The following GPS1 variants were observed in gnomAD, a reference collection of about 807,000 sequenced individuals.
GPS1 encodes COP9 signalosome complex subunit 1.
GPS1 carries 11 observed loss-of-function variants against 60.0 expected under a neutral mutation model. That is an observed-to-expected ratio of 0.18 (90% CI 0.12 to 0.30). GPS1 has a LOEUF of 0.30. Ranked by LOEUF, GPS1 falls within the 10% of genes least tolerant of loss-of-function variation. The pLI, the probability that GPS1 is intolerant of heterozygous loss-of-function variation, is 1.00. For synonymous variants in GPS1, 343 were observed against 269.8 expected (o/e 1.27, Z -2.66); for missense variants, 543 against 669.2 (o/e 0.81, Z 2.08).
chr17:82,057,233 C>T lies in GPS1; in HGVS notation c.*106C>T, dbSNP rs2033035027. 2.2e-6 allele frequency: 3 copies of T among 1,377,708 alleles called. No homozygotes were observed. The East Asian group carries it at 7.2e-5, about 33-fold the overall frequency. 85.3% of individuals were successfully genotyped at this position (1,377,708 alleles called of 1,614,324 possible). ...CCTGCGGCCCAGCTAAGGGGCCTGG[C>T]CACTGGGTGCCACCCAGCCTGTGTG... On this transcript the variant is annotated 3_prime_UTR_variant, in exon 13 of 13. Transcript: ENST00000578552.
rs753238614 is a variant in GPS1, at chr17:82,056,904, A to G, written c.1319A>G (p.Lys440Arg). Residue 440 changes from lysine (K) to arginine (R), a missense_variant, in exon 12 of 13, where the codon AAG becomes AGG. Transcript: ENST00000578552. Reference sequence around the variant, plus strand: ...TTTGAGAAGTCTCTGTTGATGGGCAAGGAGTTCCAGCGCCGCGCCAAGGCC... The same window carrying G: ...TTTGAGAAGTCTCTGTTGATGGGCAGGGAGTTCCAGCGCCGCGCCAAGGCC... Reference protein sequence around the residue: ...TTFEKSLLMGKEFQRRAKAMM... With the variant: ...TTFEKSLLMGREFQRRAKAMM... The G allele has an allele frequency of 4.3e-6, 7 of 1,612,926 alleles. No homozygotes were observed. The South Asian group carries it at 7.7e-5, about 18-fold the overall frequency.
chr17:82,053,504 A>C, intron 2 of GPS1, 138 bp downstream of exon 2: 1 of 622,416 alleles, frequency 1.6e-6, no homozygotes, highest in Non-Finnish European at 2.5e-6. Flanking sequence ...CCCCGAAACC[A>C]TCAGCGTTTC....
intron 9 of GPS1, 31 bp from the exon 10 acceptor site, chr17:82,056,439 C>G: frequency 1.9e-6 from 3 of 1,613,030 alleles, no homozygotes; most frequent in Non-Finnish European, 2.5e-6. Flanking sequence ...GCCTGGCCTC[C>G]TGTCCTGGTC....
rs537465571 is a variant in GPS1 at position 82,057,365 on chromosome 17, G to C, written c.*238G>C. ...GGTTTCTGTCCCCAGGGAGCAGACT[G>C]TGCGGCACCCAGGCCCAGTGGCACC... On this transcript the variant is annotated 3_prime_UTR_variant, in exon 13 of 13. Coordinates refer to ENST00000578552, the MANE Select transcript of GPS1 (RefSeq NM_001321092.3). 5.8e-6 allele frequency: 4 copies of C among 694,292 alleles called. No homozygotes were observed. Among genetic ancestry groups the C allele is most frequent in the African/African-American group, 5.3e-5 (3 of 57,084 alleles). 43.0% of individuals were successfully genotyped at this position (694,292 alleles called of 1,614,324 possible). A position where few individuals can be genotyped will look rare whatever the true frequency, so the allele number is the denominator to read the frequency against.
Position 82,052,086 on chromosome 17 carries a change from G to C in GPS1, c.33+122G>C, listed in dbSNP as rs2030806744. On this transcript the variant is annotated intron_variant, in intron 1 of 12. Transcript: ENST00000578552. ...AGTCGGTCGGGCACGCTCCGTGCCGGGCCTCCGCGGGCAGCGCGCGTCGGG... is the reference window on the plus strand; with the variant it reads ...AGTCGGTCGGGCACGCTCCGTGCCGCGCCTCCGCGGGCAGCGCGCGTCGGG... The C allele has an allele frequency of 9.4e-6, 8 of 850,546 alleles. No individual in the cohort carries two copies. In the East Asian group the frequency reaches 5.3e-4, roughly 56 times the overall value. The allele number at this position is 850,546 out of a possible 1,614,324, so 52.7% of individuals were successfully genotyped here.
intron 1 of GPS1, chr17:82,052,478 A>AC: frequency 6.2e-7 from 1 of 1,600,432 alleles, no homozygotes; most frequent in Non-Finnish European, 8.5e-7. Context: ...CAGGACAGGG[A>AC]CCCCCGAGCG....
chr17:82,057,258 G>T lies in GPS1; in HGVS notation c.*131G>T. 8.3e-7 allele frequency: 1 copy of T among 1,209,254 alleles called. No homozygotes were observed. The highest frequency in any genetic ancestry group is 1.3e-5 in the South Asian group (1 of 78,906). 74.9% of individuals were successfully genotyped at this position (1,209,254 alleles called of 1,614,324 possible). A position where few individuals can be genotyped will look rare whatever the true frequency, so the allele number is the denominator to read the frequency against. On this transcript the variant is annotated 3_prime_UTR_variant, in exon 13 of 13. Coordinates refer to ENST00000578552, the MANE Select transcript of GPS1 (RefSeq NM_001321092.3). ...CCACTGGGTGCCACCCAGCCTGTGT[G>T]CCCTCCCTGGGGCTGAGGAGGCAGG...
upstream of GPS1, chr17:82,051,226 C>A: frequency 5.3e-6 from 7 of 1,312,602 alleles, no homozygotes; most frequent in Non-Finnish European, 6.8e-6. This position sits in a 1 kb window ranked among gnomAD's most constrained non-coding sequence, Gnocchi z 4.1. Flanking sequence ...GCGAAGGGGC[C>A]GTGGCTTCGG....
intron 6 of GPS1, 194 bp from the exon 7 acceptor site, chr17:82,055,545 TC>T: frequency 1.6e-6 from 1 of 609,032 alleles, no homozygotes; most frequent in Non-Finnish European, 2.9e-6. Flanking sequence ...GGGAGCCTCC[TC>T]AGCATTGGTG....
At position 82,056,747 on chromosome 17, in the gene GPS1, G is replaced by A. The variant is rs767481605; in HGVS notation, c.1235G>A (p.Arg412His). 2.1e-5 allele frequency: 34 copies of A among 1,589,878 alleles called. No homozygotes were observed. Among genetic ancestry groups the A allele is most frequent in the African/African-American group, 2.7e-5 (2 of 74,694 alleles). ...QLILEGLISA[R>H]VDSHSKILYA... is the part of the protein sequence containing the mutation. The stretch of plus-strand genomic sequence containing the variant: ...ATCCTGGAGGGGCTGATCAGTGCCC[G>A]TGTGGACTCACACAGCAAGGTGGCT... The change falls in exon 11 of 13, where the codon CGT becomes CAT. Residue 412 changes from arginine (R) to histidine (H), a missense_variant. By Grantham distance (29) the Arg-to-His change is conservative. Around this residue, in one of 3 missense-constraint regions of GPS1, gnomAD observed 291 missense variants for 353.7 expected, o/e 0.82. Transcript: ENST00000578552.
chr17:82,053,341 A>G lies in GPS1; in HGVS notation c.101A>G (p.Asn34Ser), dbSNP rs772287075. 3 of 1,533,854 alleles carry G rather than the reference A, an allele frequency of 2.0e-6. No individual in the cohort carries two copies. The highest frequency in any genetic ancestry group is 2.6e-6 in the Non-Finnish European group (3 of 1,148,114). Reference sequence around the variant, plus strand: ...GACCCGCAGAATGCACCTGACGTCAACTACGTGGTGGAGAACCCCAGCCTG... The same window carrying G: ...GACCCGCAGAATGCACCTGACGTCAGCTACGTGGTGGAGAACCCCAGCCTG... ...QEDPQNAPDV[N>S]YVVENPSLDL... Residue 34 changes from asparagine (N) to serine (S), a missense_variant, in exon 2 of 13, where the codon AAC becomes AGC. Physicochemically the swap from Asn to Ser is conservative, Grantham distance 46. Transcript: ENST00000578552.
At chr17:82,052,207 C>A in intron 1 of GPS1, 14 of 1,510,950 alleles carry the variant, frequency 9.3e-6, no homozygotes, top group Non-Finnish European at 1.3e-5. Flanking sequence ...CAGCAGCTCA[C>A]GGGAGAGGTT....
intron 1 of GPS1, chr17:82,052,262 G>C: frequency 6.2e-7 from 1 of 1,609,804 alleles, no homozygotes; most frequent in Non-Finnish European, 8.5e-7. Flanking sequence ...TCAGCAGCCA[G>C]CCAGCTCTGT....
chr17:82,055,281 G>C (rs1004828423), intron 6 of GPS1, 59 bp downstream of exon 6: 1 of 1,504,352 alleles, frequency 6.6e-7, no homozygotes, highest in South Asian at 1.2e-5. Flanking sequence ...AGTCCTCCCA[G>C]CCCAGGGCAG....
At chr17:82,051,400 C>A (rs867394022), upstream of GPS1, 2 of 1,409,850 alleles carry the variant, frequency 1.4e-6, no homozygotes, top group East Asian at 2.9e-5. The surrounding 1 kb of genome is among the most constrained non-coding windows in gnomAD (Gnocchi z 4.1). Context: ...GAGACCGACC[C>A]GCCCCGCGCG....
intron 1 of GPS1, 60 bp from the exon 2 acceptor site, chr17:82,053,214 C>G (rs888192692): frequency 7.3e-7 from 1 of 1,364,500 alleles, no homozygotes; most frequent in Non-Finnish European, 9.7e-7. Flanking sequence ...CAGTGCGGGT[C>G]TCTCGCCCTC....
Position 82,055,612 on chromosome 17 carries a change from C to T in GPS1, c.749-128C>T, listed in dbSNP as rs76131598. The T allele has an allele frequency of 7.3e-3, 4,811 of 663,496 alleles. 184 individuals carry two copies. The African/African-American group carries it at 0.077, about 11-fold the overall frequency. The allele number at this position is 663,496 out of a possible 1,614,324, so 41.1% of individuals were successfully genotyped here. On this transcript the variant is annotated intron_variant, in intron 6 of 12. Coordinates refer to ENST00000578552, the MANE Select transcript of GPS1 (RefSeq NM_001321092.3). ...GTCCCCAGCGCTGAGGAACAGCTCC[C>T]GGGGCAGGAGAGGCCAGCGAGCCGG...
chr17:82,056,801 G>C, intron 11 of GPS1, 35 bp downstream of exon 11: 1 of 1,607,930 alleles, frequency 6.2e-7, no homozygotes. Flanking sequence ...GGGGCAGCTG[G>C]GGGTGAGCCT....
rs2031688910 is a variant in GPS1 at position 82,053,640 on chromosome 17, C to G, written c.127-228C>G. The G allele has an allele frequency of 5.4e-6, 3 of 557,542 alleles. No individual in the cohort carries two copies. The South Asian group carries it at 7.7e-5, about 14-fold the overall frequency. The allele number at this position is 557,542 out of a possible 1,614,324, so 34.5% of individuals were successfully genotyped here. The stretch of plus-strand genomic sequence containing the variant: ...ACTAGTGGGTGTCTATCCCCGAAAG[C>G]CCCCGGGTGCAGGGTCCCACTCCTG... On this transcript the variant is annotated intron_variant, in intron 2 of 12. Transcript: ENST00000578552.
Sources: gnomAD v4.1 joint callset for allele counts on GRCh38, gnomAD v4.1.1 for gene constraint, gnomAD v4.1.1 regional missense constraint, Gnocchi (gnomAD v3.1) non-coding constraint, MANE v1.5 for transcripts, NCBI Gene and HGNC (gene_info 2026-07-23, HGNC 2026-07-21) for gene names.